The following PCP4 variants were observed in gnomAD, a reference collection of about 807,000 sequenced individuals.
PCP4 encodes the protein Purkinje cell protein 4, also known as calmodulin regulator protein PCP4.
PCP4 carries 8 observed loss-of-function variants against 10.0 expected under a neutral mutation model. The observed-to-expected ratio is 0.80, with a 90% CI of 0.47 to 1.45. The LOEUF (loss-of-function observed/expected upper bound fraction) is 1.45. Among genes scored for constraint, PCP4 ranks in the 40% most tolerant of loss-of-function variants. The pLI is 0.00. For missense variants in PCP4, 54 were observed against 74.4 expected, an observed-to-expected ratio of 0.73 and a Z score of 1.01; for synonymous variants, 21 against 23.0, an observed-to-expected ratio of 0.91 and a Z score of 0.24.
Position 39,906,560 on chromosome 21 carries a change from CT to C in PCP4, c.61+8035del, listed in dbSNP as rs1339429937. 1.3e-5 allele frequency among the ~76,000 whole-genome samples: 2 copies of C among 151,984 alleles called. No individual in the cohort carries two copies. The highest frequency in any genetic ancestry group is 2.9e-5 in the Non-Finnish European group (2 of 67,984). Reference sequence around the variant, plus strand: ...CCCTCCTTCCTTCCTTCCGCTCCTCCTTCTTCCCCTTCCTTCCCCCTTTCCT... The same window carrying C: ...CCCTCCTTCCTTCCTTCCGCTCCTCCTCTTCCCCTTCCTTCCCCCTTTCCT... On this transcript the variant is annotated intron_variant, in intron 2 of 2. Coordinates refer to ENST00000328619, the MANE Select transcript of PCP4 (RefSeq NM_006198.3). This position sits in a 1 kb window ranked among gnomAD's most constrained non-coding sequence, Gnocchi z 6.3.
chr21:39,893,198 C>G (rs1467815560), intron 1 of PCP4, among the ~76,000 whole-genome samples: 3 of 152,214 alleles, frequency 2.0e-5, no homozygotes, highest in Non-Finnish European at 2.9e-5. Context: ...CTGCCTCATG[C>G]TCTGTTTTCT....
At chr21:39,886,731 A>G (rs1430990761) in intron 1 of PCP4, among the ~76,000 whole-genome samples, 2 of 152,284 alleles carry the variant, frequency 1.3e-5, no homozygotes, top group African/African-American at 2.4e-5. Context: ...GAGTCCACAC[A>G]GAAGTCATTA....
rs992217211 is a variant in PCP4, at chr21:39,920,894, T to C, written c.62-8090T>C. ...ATCCTGGTTGGCCTCACTGTGGGGC[T>C]GTGCCCCTCCCAGGATGGCTCCTTG... On this transcript the variant is annotated intron_variant, in intron 2 of 2. Coordinates refer to ENST00000328619, the MANE Select transcript of PCP4 (RefSeq NM_006198.3). Among the ~76,000 whole-genome samples, 102 of 152,372 alleles carry C rather than the reference T, an allele frequency of 6.7e-4. 1 individual carries two copies. The highest frequency in any genetic ancestry group is 2.3e-3 in the African/African-American group (97 of 41,592).
chr21:39,888,710 G>A (rs2087414042), intron 1 of PCP4, among the ~76,000 whole-genome samples: 1 of 152,162 alleles, frequency 6.6e-6, no homozygotes, highest in South Asian at 2.1e-4. Context: ...GGCCCTCCAG[G>A]CTGTGAGCCA....
chr21:39,910,059 C>A (rs1744979565), intron 2 of PCP4, among the ~76,000 whole-genome samples: 1 of 152,058 alleles, frequency 6.6e-6, no homozygotes, highest in South Asian at 2.1e-4. Context: ...GCCTCCCAAG[C>A]CTTCTTCAAT....
intron 2 of PCP4, among the ~76,000 whole-genome samples, chr21:39,903,867 C>CAAAAAAA (rs1210365373): frequency 0.038 from 1,324 of 34,544 alleles, 47 homozygotes; most frequent in South Asian, 0.056. Context: ...GACTCCGTCT[C>CAAAAAAA]AAAAAAAACA....
intron 1 of PCP4, among the ~76,000 whole-genome samples, chr21:39,876,923 G>T (rs8131838): frequency 0.029 from 4,471 of 152,220 alleles, 238 homozygotes; most frequent in African/African-American, 0.1. Context: ...TTGACCTTGA[G>T]AAAGGCTGTC....
intron 2 of PCP4, among the ~76,000 whole-genome samples, chr21:39,905,844 C>G (rs371016195): frequency 6.6e-6 from 1 of 152,030 alleles, no homozygotes; most frequent in African/African-American, 2.4e-5. Flanking sequence ...GTCAGGAGAT[C>G]GAGACCATCC....
chr21:39,903,880 A>AC (rs1013007133), intron 2 of PCP4, among the ~76,000 whole-genome samples: 23 of 143,286 alleles, frequency 1.6e-4, no homozygotes, highest in African/African-American at 4.7e-4. Context: ...AAAAAACAAA[A>AC]AAAAAAAAAA....
At chr21:39,889,009 T>C (rs1269052219) in intron 1 of PCP4, among the ~76,000 whole-genome samples, 1 of 152,226 alleles carries the variant, frequency 6.6e-6, no homozygotes, top group Non-Finnish European at 1.5e-5. Flanking sequence ...CGTGAGAGGC[T>C]GACAGCAAGA....
intron 1 of PCP4, among the ~76,000 whole-genome samples, chr21:39,880,493 G>A (rs1244906510): frequency 3.3e-5 from 5 of 152,268 alleles, no homozygotes; most frequent in East Asian, 1.9e-4. Context: ...GTGTGAGTGT[G>A]TGTGTATACG....
At position 39,879,862 on chromosome 21, in the gene PCP4, T is replaced by C. The variant is rs1439847305; in HGVS notation, c.9+12352T>C. Among the ~76,000 whole-genome samples the C allele has an allele frequency of 4.6e-5, 7 of 152,242 alleles. No individual in the cohort carries two copies. In the East Asian group the frequency reaches 1.4e-3, roughly 29 times the overall value. The stretch of plus-strand genomic sequence containing the variant: ...ATTTGTGGCCCCAATGAAAAATCAA[T>C]ACGATGCCCCTTGTTAAACATTGAT... On this transcript the variant is annotated intron_variant, in intron 1 of 2. Coordinates refer to ENST00000328619, the MANE Select transcript of PCP4 (RefSeq NM_006198.3).
chr21:39,898,311 G>T, intron 1 of PCP4, 165 bp from the exon 2 acceptor site: 1 of 726,252 alleles, frequency 1.4e-6, no homozygotes, highest in Non-Finnish European at 2.5e-6. Context: ...ATCCTTTCTT[G>T]GTGGATCCAT....
chr21:39,881,892 C>G (rs958133838), intron 1 of PCP4, among the ~76,000 whole-genome samples: 1 of 152,152 alleles, frequency 6.6e-6, no homozygotes, highest in African/African-American at 2.4e-5. Flanking sequence ...TCAATCTGCC[C>G]AGACTCAAAT....
chr21:39,929,139 A>G lies in PCP4; in HGVS notation c.*28A>G. On this transcript the variant is annotated 3_prime_UTR_variant, in exon 3 of 3. Transcript: ENST00000328619. ...GGAGAACCCCCTCCTAGTCCACCTG[A>G]AAACACCAAATTCAACCATCATCTG... The G allele has an allele frequency of 1.3e-6, 2 of 1,592,950 alleles. No individual in the cohort carries two copies. The highest frequency in any genetic ancestry group is 1.7e-4 in the Middle Eastern group (1 of 5,970).
intron 2 of PCP4, among the ~76,000 whole-genome samples, chr21:39,917,165 A>G (rs2087572141): frequency 6.6e-6 from 1 of 152,222 alleles, no homozygotes; most frequent in Non-Finnish European, 1.5e-5. Flanking sequence ...AACAATTCAT[A>G]TGGAAGATAT....
intron 2 of PCP4, among the ~76,000 whole-genome samples, chr21:39,915,313 C>T (rs899646751): frequency 1.3e-5 from 2 of 151,974 alleles, no homozygotes; most frequent in Non-Finnish European, 2.9e-5. Flanking sequence ...AATGGATGCA[C>T]GTAAGCAAAA....
Position 39,928,978 on chromosome 21 carries a change from C to G in PCP4, c.62-6C>G, listed in dbSNP as rs764466957. ...TTGCCTTCTGTTTGTGTTTGTCTTG[C>G]TACAGATGGACAGAAGAAAGTTCAA... On this transcript the variant is annotated splice_polypyrimidine_tract_variant and splice_region_variant and intron_variant, in intron 2 of 2. Coordinates refer to ENST00000328619, the MANE Select transcript of PCP4 (RefSeq NM_006198.3). The G allele has an allele frequency of 6.2e-7, 1 of 1,611,444 alleles. No homozygotes were observed. Among genetic ancestry groups the G allele is most frequent in the Non-Finnish European group, 8.5e-7 (1 of 1,178,660 alleles).
At chr21:39,927,279 G>GATCGATCT (rs1555851215) in intron 2 of PCP4, among the ~76,000 whole-genome samples, 2 of 139,214 alleles carry the variant, frequency 1.4e-5, no homozygotes, top group Admixed American at 7.1e-5. Context: ...CTGTCTCTCT[G>GATCGATCT]ATCTATCTAT....
Sources: gnomAD v4.1 joint callset for allele counts (sites outside exome capture counted in the v4.1 genomes callset) on GRCh38, gnomAD v4.1.1 for gene constraint, Gnocchi (gnomAD v3.1) non-coding constraint, MANE v1.5 for transcripts, NCBI Gene and HGNC (gene_info 2026-07-23, HGNC 2026-07-21) for gene names.